DDX4: variants seen among roughly 807,000 people sequenced by gnomAD.
DDX4 encodes the protein probable ATP-dependent RNA helicase DDX4.
DDX4 carries 25 observed loss-of-function variants against 100.0 expected under a neutral mutation model. That is an observed-to-expected ratio of 0.25 (90% CI 0.18 to 0.35). The LOEUF (loss-of-function observed/expected upper bound fraction) is 0.35, where lower values mean the gene tolerates loss of function less well. DDX4 is among the 10% of genes least tolerant of loss of function. The pLI, the probability that DDX4 is intolerant of heterozygous loss-of-function variation, is 1.00. For missense variants in DDX4, 635 were observed against 882.4 expected (o/e 0.72, Z 3.55); for synonymous variants, 259 against 275.7 (o/e 0.94, Z 0.60).
intron 18 of DDX4, among the ~76,000 whole-genome samples, chr5:55,803,371 A>G (rs528185975): frequency 1.3e-5 from 2 of 150,114 alleles, no homozygotes; most frequent in African/African-American, 2.5e-5. Context: ...CATGTGCACA[A>G]TGTGCAGGTT....
At chr5:55,744,200 T>G (rs12187947) in intron 2 of DDX4, among the ~76,000 whole-genome samples, 44 of 152,192 alleles carry the variant, frequency 2.9e-4, no homozygotes, top group Non-Finnish European at 5.1e-4. Context: ...GAAAGAAATT[T>G]TAGCAAATAG....
At position 55,815,007 on chromosome 5, in the gene DDX4, A is replaced by C; in HGVS notation, c.1822A>C (p.Asn608His). The change falls in exon 20 of 22, where the codon AAT becomes CAT. Residue 608 changes from asparagine to histidine, a missense_variant. Asn to His is a moderately conservative substitution (Grantham distance 68). This residue lies in a region of DDX4 where 115 missense variants were observed against 224.7 expected (regional missense o/e 0.51). Transcript: ENST00000505374. ...SVAARGLDIE[N>H]VQHVINFDLP... is the part of the protein sequence containing the mutation. ...AGCTGCCAGAGGGCTGGATATTGAA[A>C]ATGTGCAACATGTTATCAATTTTGA... 6.2e-7 allele frequency: 1 copy of C among 1,614,128 alleles called. No homozygotes were observed. The highest frequency in any genetic ancestry group is 1.3e-5 in the African/African-American group (1 of 75,040).
intron 21 of DDX4, 51 bp from the exon 22 acceptor site, chr5:55,816,412 A>G (rs1744420653): frequency 1.3e-6 from 2 of 1,540,560 alleles, no homozygotes; most frequent in African/African-American, 1.4e-5. Context: ...AAGCTGTCAT[A>G]AAATTAAATG....
intron 18 of DDX4, among the ~76,000 whole-genome samples, chr5:55,803,919 C>T (rs1483166892): frequency 6.6e-6 from 1 of 151,250 alleles, no homozygotes; most frequent in African/African-American, 2.4e-5. Context: ...TCCACAATGA[C>T]TAGTTTACAG....
In DDX4 at chr5:55,763,923, T is replaced by C. The variant is rs1740726564; in HGVS notation, c.284-91T>C. 5 of 865,898 alleles carry C rather than the reference T, an allele frequency of 5.8e-6. No homozygotes were observed. In the African/African-American group the frequency reaches 6.7e-5, roughly 12 times the overall value. 53.6% of individuals were successfully genotyped at this position (865,898 alleles called of 1,614,324 possible). A position where few individuals can be genotyped will look rare whatever the true frequency, so the allele number is the denominator to read the frequency against. The stretch of plus-strand genomic sequence containing the variant: ...TATGTATACAATTGTGTATCGCTTA[T>C]CTTAGAAGGCATCATAACTAGTAGT... On this transcript the variant is annotated intron_variant, in intron 5 of 21. Transcript: ENST00000505374.
chr5:55,803,529 T>C (rs1184441018), intron 18 of DDX4, among the ~76,000 whole-genome samples: 1 of 122,978 alleles, frequency 8.1e-6, no homozygotes, highest in Non-Finnish European at 1.6e-5. Context: ...CCTGTGTCCA[T>C]GTGTTCTCAT....
At position 55,787,895 on chromosome 5, in the gene DDX4, C is replaced by A. The variant is rs745578945; in HGVS notation, c.1067C>A (p.Thr356Asn). The stretch of plus-strand genomic sequence containing the variant: ...GCTCATATGATGCATGATGGAATAA[C>A]TGCCAGTCGTTTTAAAGAGTTGCAG... ...ILAHMMHDGITASRFKELQEP... is the reference protein window; with the variant it reads ...ILAHMMHDGINASRFKELQEP... Residue 356 changes from threonine (T) to asparagine (N), a missense_variant, in exon 15 of 22, where the codon ACT becomes AAT. Thr to Asn is a moderately conservative substitution (Grantham distance 65, BLOSUM62 0). Coordinates refer to ENST00000505374, the MANE Select transcript of DDX4 (RefSeq NM_024415.3). 1 of 1,613,986 alleles carries A rather than the reference C, an allele frequency of 6.2e-7. No homozygotes were observed. Among genetic ancestry groups the A allele is most frequent in the South Asian group, 1.1e-5 (1 of 91,046 alleles).
At chr5:55,787,320 G>T (rs923186250) in intron 14 of DDX4, among the ~76,000 whole-genome samples, 3 of 152,180 alleles carry the variant, frequency 2.0e-5, no homozygotes, top group Non-Finnish European at 2.9e-5. Context: ...GTGGATTTTA[G>T]CAAGTGTCTT....
At chr5:55,786,712 G>C (rs780763327) in intron 14 of DDX4, 42 bp downstream of exon 14, 4 of 1,545,856 alleles carry the variant, frequency 2.6e-6, no homozygotes, top group Non-Finnish European at 3.5e-6. Context: ...GGTTTTTTGA[G>C]CTTTGGTTCT....
intron 15 of DDX4, among the ~76,000 whole-genome samples, chr5:55,788,918 C>G (rs1452171729): frequency 6.6e-6 from 1 of 152,012 alleles, no homozygotes; most frequent in Non-Finnish European, 1.5e-5. Flanking sequence ...AGAACAAAAA[C>G]TAGCTAGGTG....
intron 18 of DDX4, among the ~76,000 whole-genome samples, chr5:55,805,906 C>T (rs942151644): frequency 2.0e-5 from 3 of 152,164 alleles, no homozygotes; most frequent in Admixed American, 6.5e-5. Flanking sequence ...ATGGTACCAG[C>T]TCCTCCTTGT....
chr5:55,746,666 G>C (rs1232223382), intron 3 of DDX4, among the ~76,000 whole-genome samples: 1 of 152,142 alleles, frequency 6.6e-6, no homozygotes, highest in Non-Finnish European at 1.5e-5. Context: ...ATTTGGGAAA[G>C]GTCTTAGGAG....
At chr5:55,789,377 G>A (rs114880339) in intron 15 of DDX4, among the ~76,000 whole-genome samples, 2 of 152,156 alleles carry the variant, frequency 1.3e-5, no homozygotes, top group South Asian at 2.1e-4. Context: ...GATTGTAAAC[G>A]AGATGTCAAC....
In DDX4 at chr5:55,785,448, T is replaced by C. The variant is rs1247487263; in HGVS notation, c.675T>C (p.Asn225=). 2 of 1,608,506 alleles carry C rather than the reference T, an allele frequency of 1.2e-6. No individual in the cohort carries two copies. Among genetic ancestry groups the C allele is most frequent in the Non-Finnish European group, 1.7e-6 (2 of 1,176,820 alleles). The change falls in exon 12 of 22, where the codon AAT becomes AAC. Residue 225 remains asparagine, a splice_region_variant and synonymous_variant. Coordinates refer to ENST00000505374, the MANE Select transcript of DDX4 (RefSeq NM_024415.3). ...NEEVITGSGK[N]SWKSEAEGGE... The stretch of plus-strand genomic sequence containing the variant: ...CTTTTTTATTTGATCCTCTTCAAGA[T>C]TCTTGGAAGTCAGAAGCAGAAGGAG...
In DDX4 at chr5:55,815,046, A is replaced by G. The variant is rs745391941; in HGVS notation, c.1861A>G (p.Ile621Val). ...HVINFDLPST[I>V]DEYVHRIGRT... Reference sequence around the variant, plus strand: ...TATCAATTTTGATCTTCCTTCTACCATTGATGAATATGTTCATCGAATTGG... The same window carrying G: ...TATCAATTTTGATCTTCCTTCTACCGTTGATGAATATGTTCATCGAATTGG... Residue 621 changes from isoleucine to valine, a missense_variant, in exon 20 of 22, where the codon ATT (isoleucine) becomes GTT (valine). Physicochemically the swap from Ile to Val is conservative, Grantham distance 29. Around this residue, in one of 4 missense-constraint regions of DDX4, gnomAD observed 115 missense variants for 224.7 expected, o/e 0.51. Transcript: ENST00000505374. 1.2e-6 allele frequency: 2 copies of G among 1,614,152 alleles called. No individual in the cohort carries two copies. Among genetic ancestry groups the G allele is most frequent in the African/African-American group, 1.3e-5 (1 of 75,054 alleles).
intron 7 of DDX4, among the ~76,000 whole-genome samples, chr5:55,776,588 T>G (rs1313796816): frequency 1.3e-5 from 2 of 152,182 alleles, no homozygotes; most frequent in Non-Finnish European, 1.5e-5. Context: ...TTTTCTTCAG[T>G]AAAGGTAGAT....
intron 7 of DDX4, among the ~76,000 whole-genome samples, chr5:55,770,278 G>A (rs936789411): frequency 6.6e-6 from 1 of 152,142 alleles, no homozygotes; most frequent in African/African-American, 2.4e-5. Flanking sequence ...ATCTTGGTCA[G>A]TTGCAATTTA....
intron 18 of DDX4, among the ~76,000 whole-genome samples, chr5:55,808,250 G>C (rs1743874320): frequency 6.6e-6 from 1 of 151,886 alleles, no homozygotes; most frequent in South Asian, 2.1e-4. Context: ...TAACTTCTTT[G>C]CCATGGCTTT....
intron 10 of DDX4, among the ~76,000 whole-genome samples, chr5:55,783,409 AG>A (rs1408617798): frequency 3.9e-5 from 6 of 152,280 alleles, no homozygotes; most frequent in Middle Eastern, 3.4e-3. Flanking sequence ...ACATCTCATT[AG>A]CTTTTGAATC....
Sources: allele counts gnomAD v4.1 joint callset (sites outside exome capture counted in the v4.1 genomes callset), GRCh38; gene constraint gnomAD v4.1.1; regional missense constraint gnomAD v4.1.1; transcripts MANE v1.5; gene names NCBI Gene and HGNC (gene_info 2026-07-23, HGNC 2026-07-21).